Variants in HDAC9 observed in about 807,000 individuals in gnomAD.
The protein encoded by HDAC9 is MEF-2 interacting transcription repressor (MITR) protein.
Under a neutral mutation model 139.4 loss-of-function variants are expected in HDAC9, and 41 were observed. That is an observed-to-expected ratio of 0.29 (90% CI 0.23 to 0.38). The LOEUF is 0.38. Ranked by LOEUF, HDAC9 falls within the 10% of genes least tolerant of loss-of-function variation. The pLI is 1.00. For synonymous variants in HDAC9, 517 were observed against 476.2 expected (o/e 1.09, Z -1.12); for missense variants, 1,147 against 1,297.0 (o/e 0.88, Z 1.78).
intron 22 of HDAC9, among the ~76,000 whole-genome samples, chr7:18,879,795 G>C (rs749664748): frequency 2.0e-5 from 3 of 152,060 alleles, no homozygotes; most frequent in Non-Finnish European, 4.4e-5. Context: ...CCCAACAAAA[G>C]CAAAAATTGA....
chr7:18,775,170 A>T (rs951421736), intron 16 of HDAC9, among the ~76,000 whole-genome samples: 1 of 152,064 alleles, frequency 6.6e-6, no homozygotes, highest in African/African-American at 2.4e-5. Flanking sequence ...CAAAACAATT[A>T]TAATAGTACT....
chr7:18,806,873 G>A (rs1793754119), intron 17 of HDAC9, among the ~76,000 whole-genome samples: 1 of 152,058 alleles, frequency 6.6e-6, no homozygotes, highest in Non-Finnish European at 1.5e-5. Context: ...CTAGTATTTT[G>A]ATTTTTACAT....
At chr7:18,679,213 C>G (rs979425405) in intron 12 of HDAC9, among the ~76,000 whole-genome samples, 1 of 151,844 alleles carries the variant, frequency 6.6e-6, no homozygotes, top group Admixed American at 6.6e-5. Context: ...TTCAAGCAGG[C>G]TTTGAATTTC....
At chr7:18,728,633 C>A (rs1279696011) in intron 13 of HDAC9, among the ~76,000 whole-genome samples, 2 of 152,200 alleles carry the variant, frequency 1.3e-5, no homozygotes, top group Non-Finnish European at 2.9e-5. Context: ...TATGTACCTT[C>A]CCCAAAGGCT....
At chr7:18,197,544 C>T (rs555559417) in intron 2 of HDAC9, among the ~76,000 whole-genome samples, 35 of 152,134 alleles carry the variant, frequency 2.3e-4, no homozygotes, top group Non-Finnish European at 3.7e-4. Flanking sequence ...AAAGAAGTTA[C>T]GTGACAGAAC....
At chr7:18,383,745 C>G (rs1585517700) in intron 1 of HDAC9, among the ~76,000 whole-genome samples, 2 of 151,324 alleles carry the variant, frequency 1.3e-5, no homozygotes, top group African/African-American at 2.4e-5. Context: ...AAAAAATTAG[C>G]CGGCGTGGTG....
Position 18,221,956 on chromosome 7 carries a change from C to T in HDAC9, c.25+59607C>T, listed in dbSNP as rs1562764207. The stretch of plus-strand genomic sequence containing the variant: ...TCTGATCTCAAGAAGATTCTGATAC[C>T]CTTCATTAATGAAAAAAGAATGTCT... On this transcript the variant is annotated intron_variant, in intron 2 of 12. Transcript: ENST00000417496. Among the ~76,000 whole-genome samples, 2 of 152,022 alleles carry T rather than the reference C, an allele frequency of 1.3e-5. 1 individual carries two copies. The highest frequency in any genetic ancestry group is 4.1e-4 in the South Asian group (2 of 4,820).
At position 18,298,826 on chromosome 7, in the gene HDAC9, T is replaced by C. The variant is rs556373319; in HGVS notation, c.-42+8311T>C. On this transcript the variant is annotated intron_variant, in intron 1 of 3. Transcript: ENST00000413509. ...ATAAAAACAAATAGTAAAGCTGTTA[T>C]TATGAATTTACCTATAGGAAAACTG... 8.5e-5 allele frequency among the ~76,000 whole-genome samples: 13 copies of C among 152,314 alleles called. No homozygotes were observed. In the East Asian group the frequency reaches 2.5e-3, roughly 29 times the overall value.
chr7:18,545,742 G>T (rs1360231684), intron 2 of HDAC9, among the ~76,000 whole-genome samples: 1 of 152,112 alleles, frequency 6.6e-6, no homozygotes, highest in East Asian at 1.9e-4. Flanking sequence ...AAATAAAATG[G>T]CAGGTATGAA....
intron 21 of HDAC9, among the ~76,000 whole-genome samples, chr7:18,845,645 C>T (rs966414632): frequency 2.0e-5 from 3 of 151,996 alleles, no homozygotes; most frequent in African/African-American, 7.2e-5. Context: ...GCTGTTTGGT[C>T]TCATAGTTCT....
rs113203187 is a variant in HDAC9, at chr7:18,869,746, G to A, written c.2685-4732G>A. On this transcript the variant is annotated intron_variant, in intron 21 of 25. Transcript: ENST00000686413. Reference sequence around the variant, plus strand: ...CATCTTCTGTATTGAAGATTATTGTGGTGGTGTGAGAGCAGAGAAAAAAAC... The same window carrying A: ...CATCTTCTGTATTGAAGATTATTGTAGTGGTGTGAGAGCAGAGAAAAAAAC... 7.0e-3 allele frequency among the ~76,000 whole-genome samples: 1,068 copies of A among 152,216 alleles called. 17 individuals are homozygous for A. The highest frequency in any genetic ancestry group is 0.024 in the African/African-American group (996 of 41,534).
intron 2 of HDAC9, among the ~76,000 whole-genome samples, chr7:18,199,019 T>G (rs890023857): frequency 2.6e-5 from 4 of 152,170 alleles, no homozygotes; most frequent in African/African-American, 9.7e-5. Flanking sequence ...GTGTAAAATT[T>G]CCATCAGGAA....
intron 1 of HDAC9, among the ~76,000 whole-genome samples, chr7:18,308,457 A>G (rs1799077099): frequency 6.6e-6 from 1 of 152,232 alleles, no homozygotes; most frequent in Non-Finnish European, 1.5e-5. Context: ...TTTGCTGTAA[A>G]TATACCATAC....
intron 24 of HDAC9, among the ~76,000 whole-genome samples, chr7:18,954,688 CT>C (rs1406119843): frequency 1.3e-5 from 2 of 151,970 alleles, no homozygotes; most frequent in Non-Finnish European, 1.5e-5. Context: ...AAGTCATAGA[CT>C]TTTTTTATTA....
At chr7:18,761,610 T>C (rs1392228567) in intron 14 of HDAC9, among the ~76,000 whole-genome samples, 1 of 152,198 alleles carries the variant, frequency 6.6e-6, no homozygotes, top group Non-Finnish European at 1.5e-5. Flanking sequence ...TAAACAGATA[T>C]TGACGTGTTA....
chr7:18,177,741 G>T (rs1415535483), intron 2 of HDAC9, among the ~76,000 whole-genome samples: 2 of 152,084 alleles, frequency 1.3e-5, no homozygotes, highest in African/African-American at 4.8e-5. Flanking sequence ...CATTTTGTGG[G>T]GTGTATATAG....
chr7:18,348,449 G>A (rs1380473190), intron 1 of HDAC9, among the ~76,000 whole-genome samples: 1 of 151,936 alleles, frequency 6.6e-6, no homozygotes, highest in Non-Finnish European at 1.5e-5. Flanking sequence ...TGGATTTTTG[G>A]GAAGGTTCAA....
intron 2 of HDAC9, among the ~76,000 whole-genome samples, chr7:18,197,187 T>C: frequency 6.6e-6 from 1 of 152,192 alleles, no homozygotes; most frequent in East Asian, 1.9e-4. Context: ...CTGCAGCTTT[T>C]GGACTTGCCA....
intron 12 of HDAC9, chr7:18,667,014 T>G (rs1275099244): frequency 2.0e-6 from 2 of 985,330 alleles, no homozygotes; most frequent in African/African-American, 3.5e-5. Flanking sequence ...CCTCTCTCTT[T>G]TTTTAGTTAA....
Sources: gnomAD v4.1 joint callset for allele counts (sites outside exome capture counted in the v4.1 genomes callset) on GRCh38, gnomAD v4.1.1 for gene constraint, MANE v1.5 for transcripts, NCBI Gene and HGNC (gene_info 2026-07-23, HGNC 2026-07-21) for gene names.